Variants in SPOCK3 observed in about 807,000 individuals in gnomAD.
SPOCK3 encodes SPARC (osteonectin), cwcv and kazal like domains proteoglycan 3, also known as testican-3.
A neutral mutation model predicts 56.6 loss-of-function variants in SPOCK3; 30 were observed. The ratio of observed to expected loss-of-function variants is 0.53; its 90% CI spans 0.40 to 0.72. The LOEUF (loss-of-function observed/expected upper bound fraction) is 0.72. Among genes scored for constraint, SPOCK3 ranks in the 30% least tolerant of loss-of-function variants. The pLI is 0.00. For synonymous variants in SPOCK3, 196 were observed against 183.3 expected, an observed-to-expected ratio of 1.07 and a Z score of -0.56; for missense variants, 527 against 530.0, an observed-to-expected ratio of 0.99 and a Z score of 0.06.
chr4:166,932,640 T>C (rs2149999718), intron 4 of SPOCK3, among the ~76,000 whole-genome samples: 1 of 152,298 alleles, frequency 6.6e-6, no homozygotes, highest in South Asian at 2.1e-4. Context: ...AACTGATTTG[T>C]TTCTCACTGA....
At chr4:166,824,223 A>G (rs1745222136) in intron 6 of SPOCK3, among the ~76,000 whole-genome samples, 1 of 152,076 alleles carries the variant, frequency 6.6e-6, no homozygotes, top group South Asian at 2.1e-4. Flanking sequence ...TACTAACTCT[A>G]GTGACCACAT....
At chr4:167,046,206 G>A (rs1580113145) in intron 3 of SPOCK3, among the ~76,000 whole-genome samples, 1 of 152,010 alleles carries the variant, frequency 6.6e-6, no homozygotes. Flanking sequence ...CAGGAAATGT[G>A]TTTCCCCTCT....
intron 6 of SPOCK3, among the ~76,000 whole-genome samples, chr4:166,800,176 C>A (rs1742406820): frequency 1.4e-5 from 1 of 69,030 alleles, no homozygotes; most frequent in African/African-American, 8.4e-5. Context: ...AGAGAGACTC[C>A]ATCTCAGAAA....
At chr4:166,943,156 T>A (rs991050523) in intron 4 of SPOCK3, among the ~76,000 whole-genome samples, 8 of 152,262 alleles carry the variant, frequency 5.3e-5, no homozygotes, top group Non-Finnish European at 8.8e-5. Flanking sequence ...ATAGCACACT[T>A]CAAATTCTAG....
At chr4:166,860,712 A>C (rs1030915102) in intron 6 of SPOCK3, among the ~76,000 whole-genome samples, 5 of 149,956 alleles carry the variant, frequency 3.3e-5, no homozygotes, top group African/African-American at 1.2e-4. Flanking sequence ...TAAGTAGATG[A>C]TGGGAAGAGA....
chr4:167,229,034 A>T (rs531371611), intron 2 of SPOCK3, among the ~76,000 whole-genome samples: 38 of 152,316 alleles, frequency 2.5e-4, no homozygotes, highest in African/African-American at 8.7e-4. Flanking sequence ...AGAATTCCCA[A>T]GAAATGCCTA....
intron 2 of SPOCK3, among the ~76,000 whole-genome samples, chr4:167,077,296 T>A (rs1022349089): frequency 2.0e-5 from 3 of 151,414 alleles, no homozygotes; most frequent in African/African-American, 7.3e-5. Flanking sequence ...ACATCAAAAT[T>A]CTTTAGAGAC....
intron 3 of SPOCK3, among the ~76,000 whole-genome samples, chr4:167,050,933 C>T (rs10006554): frequency 0.45 from 67,577 of 151,776 alleles, 15,951 homozygotes; most frequent in African/African-American, 0.59. Context: ...GCATGTATAG[C>T]TTCAGTTCAT....
chr4:166,738,366 C>T (rs1280490275), intron 9 of SPOCK3, among the ~76,000 whole-genome samples: 1 of 151,628 alleles, frequency 6.6e-6, no homozygotes, highest in Admixed American at 6.6e-5. Flanking sequence ...AGCCCATGGT[C>T]GAGAGGGAAC....
rs75706099 is a variant in SPOCK3, at chr4:167,086,210, T to C, written c.190-23673A>G. ...TTTTCTGAAAATCTGTGGGAAATAA[T>C]ATACTTAACTATAATAGTTCATCAG... On this transcript the variant is annotated intron_variant, in intron 2 of 10. Coordinates refer to ENST00000357545, the MANE Select transcript of SPOCK3 (RefSeq NM_001040159.2). Among the ~76,000 whole-genome samples the C allele has an allele frequency of 4.3e-3, 655 of 152,272 alleles. 11 individuals carry two copies. Among genetic ancestry groups the C allele is most frequent in the East Asian group, 0.031 (162 of 5,180 alleles).
At chr4:166,847,222 A>G (rs2126856530) in intron 6 of SPOCK3, among the ~76,000 whole-genome samples, 1 of 152,232 alleles carries the variant, frequency 6.6e-6, no homozygotes, top group South Asian at 2.1e-4. Context: ...AGTGCTTTTC[A>G]TTTACCAGTT....
At chr4:166,830,993 T>C (rs1371712556) in intron 6 of SPOCK3, among the ~76,000 whole-genome samples, 1 of 152,186 alleles carries the variant, frequency 6.6e-6, no homozygotes, top group Non-Finnish European at 1.5e-5. Flanking sequence ...AAAATTATTT[T>C]GCCTGTTCTG....
At chr4:166,824,064 C>T (rs74705674) in intron 6 of SPOCK3, among the ~76,000 whole-genome samples, 17 of 152,060 alleles carry the variant, frequency 1.1e-4, no homozygotes, top group Admixed American at 6.6e-4. Context: ...ATCACCAAGA[C>T]GGGTCAGTCC....
intron 6 of SPOCK3, among the ~76,000 whole-genome samples, chr4:166,858,849 A>G (rs1203929853): frequency 6.6e-6 from 1 of 152,290 alleles, no homozygotes; most frequent in Admixed American, 6.5e-5. Flanking sequence ...GAGCAGAAAT[A>G]AATTTATACA....
At chr4:166,821,012 T>A (rs1358340107) in intron 6 of SPOCK3, among the ~76,000 whole-genome samples, 1 of 151,906 alleles carries the variant, frequency 6.6e-6, no homozygotes, top group Non-Finnish European at 1.5e-5. Context: ...AAAAGGTAGG[T>A]CACAGCTTGA....
At chr4:166,854,655 CAATT>C (rs940602641) in intron 6 of SPOCK3, among the ~76,000 whole-genome samples, 1 of 152,026 alleles carries the variant, frequency 6.6e-6, no homozygotes, top group Non-Finnish European at 1.5e-5. Context: ...ACTGTTGACT[CAATT>C]AAGTAGGAAG....
At chr4:167,188,771 T>A (rs2110828817) in intron 2 of SPOCK3, among the ~76,000 whole-genome samples, 1 of 146,236 alleles carries the variant, frequency 6.8e-6, no homozygotes, top group Non-Finnish European at 1.5e-5. Flanking sequence ...AGAGGGAGCA[T>A]TACTATAGAT....
chr4:166,774,559 T>C (rs1739317321), intron 7 of SPOCK3, among the ~76,000 whole-genome samples: 1 of 152,234 alleles, frequency 6.6e-6, no homozygotes, highest in Non-Finnish European at 1.5e-5. Flanking sequence ...ACCTGTGGCA[T>C]TCAAATCTGA....
At chr4:166,780,107 GT>G (rs1224411408) in intron 7 of SPOCK3, among the ~76,000 whole-genome samples, 1 of 152,038 alleles carries the variant, frequency 6.6e-6, no homozygotes, top group Admixed American at 6.6e-5. Flanking sequence ...AAAAGTCTGA[GT>G]AATTAGCAAA....
Sources: gnomAD v4.1 joint callset for allele counts (sites outside exome capture counted in the v4.1 genomes callset) on GRCh38, gnomAD v4.1.1 for gene constraint, MANE v1.5 for transcripts, NCBI Gene and HGNC (gene_info 2026-07-23, HGNC 2026-07-21) for gene names.